The following ZNF550 variants were observed in gnomAD, a reference collection of about 807,000 sequenced individuals.
The protein encoded by ZNF550 is zinc finger protein 550.
Under a neutral mutation model 40.2 loss-of-function variants are expected in ZNF550, and 42 were observed. That is an observed-to-expected ratio of 1.05 (90% CI 0.82 to 1.35). ZNF550 has a LOEUF of 1.35. Ranked by LOEUF, ZNF550 falls within the 40% of genes most tolerant of loss-of-function variation. ZNF550 has a pLI of 0.00. For synonymous variants in ZNF550, 223 were observed against 198.6 expected, an observed-to-expected ratio of 1.12 and a Z score of -1.03; for missense variants, 549 against 525.2, an observed-to-expected ratio of 1.05 and a Z score of -0.44.
In ZNF550 at chr19:57,552,727, T is replaced by G; in HGVS notation, c.155-5A>C. The G allele has an allele frequency of 6.3e-7, 1 of 1,594,192 alleles. No homozygotes were observed. Among genetic ancestry groups the G allele is most frequent in the African/African-American group, 1.3e-5 (1 of 74,952 alleles). On this transcript the variant is annotated splice_polypyrimidine_tract_variant and splice_region_variant and intron_variant, in intron 2 of 4. Coordinates refer to ENST00000457177, the Ensembl canonical transcript of ZNF550. Reference sequence around the variant, plus strand: ...CTGGTTTGGGAACCCGATGCCCTGTTGATAGCAAAAGAAATAGAATAGGGG... The same window carrying G: ...CTGGTTTGGGAACCCGATGCCCTGTGGATAGCAAAAGAAATAGAATAGGGG...
At chr19:57,558,847 C>T (rs1245874805) in intron 1 of ZNF550, among the ~76,000 whole-genome samples, 1 of 152,118 alleles carries the variant, frequency 6.6e-6, no homozygotes. Context: ...TGTGTTATCT[C>T]CAAAGGGACA....
At chr19:57,559,196 G>C (rs562634987) in intron 1 of ZNF550, among the ~76,000 whole-genome samples, 1 of 152,328 alleles carries the variant, frequency 6.6e-6, no homozygotes, top group East Asian at 1.9e-4. Context: ...CGACGTCCCC[G>C]GACCGTGCTG....
chr19:57,543,416 A>C (rs1193341677), intron 4 of ZNF550: 1 of 259,540 alleles, frequency 3.9e-6, no homozygotes, highest in South Asian at 1.5e-4. Flanking sequence ...TCTGCTTACA[A>C]ATATTAAGAT....
chr19:57,552,687 G>C (rs1363722740), exon 3 of ZNF550: 1 of 1,598,308 alleles, frequency 6.3e-7, no homozygotes, highest in Non-Finnish European at 8.5e-7. Flanking sequence ...CCATGCTCTA[G>C]CAGGTGGACC....
exon 4 of ZNF550, chr19:57,547,963 G>A (rs1232519538): frequency 1.9e-6 from 3 of 1,613,666 alleles, no homozygotes; most frequent in Non-Finnish European, 2.5e-6. Context: ...GTAAGTGGTT[G>A]GCTCTCTGGT....
At chr19:57,546,203 C>A (rs2090007635) in intron 4 of ZNF550, among the ~76,000 whole-genome samples, 1 of 152,070 alleles carries the variant, frequency 6.6e-6, no homozygotes, top group Non-Finnish European at 1.5e-5. Context: ...AATCTCATGA[C>A]ACAAGCCTTC....
At chr19:57,546,643 C>T (rs532832205) in exon 4 of ZNF550, 1 of 1,070,896 alleles carries the variant, frequency 9.3e-7, no homozygotes, top group East Asian at 6.2e-5. Context: ...CAAAGACTGT[C>T]CTTAATAGTT....
chr19:57,552,326 T>C (rs1599895346), intron 3 of ZNF550: 2 of 431,794 alleles, frequency 4.6e-6, no homozygotes, highest in African/African-American at 2.0e-5. Context: ...TATGTGGTTG[T>C]CAAGTATGTG....
chr19:57,543,125 A>T lies in ZNF550; in HGVS notation c.*637T>A, dbSNP rs78074569. 5.7e-3 allele frequency: 2,900 copies of T among 506,950 alleles called. 88 individuals are homozygous for T. Among genetic ancestry groups the T allele is most frequent in the African/African-American group, 0.055 (2,666 of 48,148 alleles). The allele number at this position is 506,950 out of a possible 1,614,324, so 31.4% of individuals were successfully genotyped here. ...ACATTCATTTTAGGATTTCTCTTCC[A>T]AATCACTTCTGGTGCTTTCCTTCTT... On this transcript the variant is annotated 3_prime_UTR_variant, in exon 5 of 5. Transcript: ENST00000457177.
At chr19:57,561,214 CTG>C (rs1177427221), upstream of ZNF550, among the ~76,000 whole-genome samples, 1 of 152,220 alleles carries the variant, frequency 6.6e-6, no homozygotes, top group Non-Finnish European at 1.5e-5. This position sits in a 1 kb window ranked among gnomAD's most constrained non-coding sequence, Gnocchi z 4.9. Flanking sequence ...TCCTATATCA[CTG>C]TGAGTATAAA....
upstream of ZNF550, among the ~76,000 whole-genome samples, chr19:57,561,276 T>G (rs541510331): frequency 3.4e-4 from 52 of 152,234 alleles, no homozygotes; most frequent in Non-Finnish European, 5.3e-4. The surrounding 1 kb of genome is among the most constrained non-coding windows in gnomAD (Gnocchi z 4.9). Context: ...AAGACCATGT[T>G]GCAGTGGTCC....
At chr19:57,547,510 G>A (rs1014114103) in exon 4 of ZNF550, 2 of 1,613,564 alleles carry the variant, frequency 1.2e-6, no homozygotes. Flanking sequence ...CCGAATGAGA[G>A]TTGAGCTCTG....
At position 57,552,700 on chromosome 19, in the gene ZNF550, C is replaced by T. The variant is rs777142894; in HGVS notation, c.177G>A (p.Glu59=). The T allele has an allele frequency of 6.3e-6, 10 of 1,598,228 alleles. No individual in the cohort carries two copies. In the African/African-American group the frequency reaches 1.2e-4, roughly 19 times the overall value. Residue 59 remains glutamate (E), a synonymous_variant, in exon 3 of 5, where the codon GAG becomes GAA. Coordinates refer to ENST00000457177, the Ensembl canonical transcript of ZNF550. ...GCCCATGCTCTAGCAGGTGGACCAA[C>T]TCTGGTTTGGGAACCCGATGCCCTG...
chr19:57,541,922 G>A (rs1032994657), exon 5 of ZNF550: 4 of 151,990 alleles, frequency 2.6e-5, no homozygotes, highest in African/African-American at 9.7e-5. Flanking sequence ...ACCAACAAGA[G>A]ACTGAAGATA....
intron 3 of ZNF550, chr19:57,552,359 C>A: frequency 2.1e-6 from 1 of 475,798 alleles, no homozygotes; most frequent in South Asian, 5.0e-5. Context: ...TGACTTCTCC[C>A]CTTCTTCTTG....
chr19:57,556,497 G>C, intron 1 of ZNF550, 140 bp from the exon 2 acceptor site: 4 of 1,049,052 alleles, frequency 3.8e-6, no homozygotes, highest in Non-Finnish European at 5.6e-6. Flanking sequence ...TTCCGTGCAG[G>C]GCTCAAAGGG....
intron 3 of ZNF550, among the ~76,000 whole-genome samples, chr19:57,551,068 G>C (rs1433262987): frequency 6.6e-6 from 1 of 152,050 alleles, no homozygotes; most frequent in Non-Finnish European, 1.5e-5. Flanking sequence ...ACAAAGCAGA[G>C]ATTTTTTTTA....
exon 4 of ZNF550, chr19:57,547,860 A>G: frequency 6.2e-7 from 1 of 1,613,928 alleles, no homozygotes; most frequent in Non-Finnish European, 8.5e-7. Flanking sequence ...GCCCTTCCTC[A>G]TCCCTAGCTC....
chr19:57,546,287 A>G (rs1218866640), intron 4 of ZNF550, among the ~76,000 whole-genome samples: 4 of 152,132 alleles, frequency 2.6e-5, no homozygotes, highest in Non-Finnish European at 5.9e-5. Context: ...AACTTCCAAG[A>G]AATGCCTGAA....
Sources: allele counts gnomAD v4.1 joint callset (sites outside exome capture counted in the v4.1 genomes callset), GRCh38; gene constraint gnomAD v4.1.1; non-coding constraint Gnocchi (gnomAD v3.1); transcripts MANE v1.5; gene names NCBI Gene and HGNC (gene_info 2026-07-23, HGNC 2026-07-21).